Variants in KDM7A observed in about 807,000 individuals in gnomAD.
KDM7A encodes lysine demethylase 7A.
A neutral mutation model predicts 114.8 loss-of-function variants in KDM7A; 28 were observed. The ratio of observed to expected loss-of-function variants is 0.24; its 90% CI spans 0.18 to 0.33. The LOEUF is 0.33. Among genes scored for constraint, KDM7A ranks in the 10% least tolerant of loss-of-function variants. KDM7A has a pLI of 1.00. For missense variants in KDM7A, 942 were observed against 1,142.5 expected (o/e 0.82, Z 2.53); for synonymous variants, 423 against 397.8 (o/e 1.06, Z -0.75).
chr7:140,121,205 A>G (rs950650719), intron 7 of KDM7A, among the ~76,000 whole-genome samples: 2 of 152,200 alleles, frequency 1.3e-5, no homozygotes, highest in Non-Finnish European at 2.9e-5. Context: ...CCAAAAAATG[A>G]TATTTTGTAT....
Position 140,176,928 on chromosome 7 carries a change from C to T in KDM7A, c.10G>A (p.Ala4Thr). 1 of 1,160,178 alleles carries T rather than the reference C, an allele frequency of 8.6e-7. No homozygotes were observed. Among genetic ancestry groups the T allele is most frequent in the Non-Finnish European group, 1.1e-6 (1 of 936,816 alleles). The allele number at this position is 1,160,178 out of a possible 1,614,324, so 71.9% of individuals were successfully genotyped here. Residue 4 changes from alanine (A) to threonine (T), a missense_variant, in exon 1 of 20, where the codon GCG (alanine) becomes ACG (threonine). This residue lies in a region of KDM7A where 112 missense variants were observed against 96.2 expected (regional missense o/e 1.16). Transcript: ENST00000397560. This position sits in a 1 kb window ranked among gnomAD's most constrained non-coding sequence, Gnocchi z 4.4. ...GCTCCCGCGGCCACCGCCGCCGCCGCTCCGGCCATCTTTAAAAAACACACA... is the reference window on the plus strand; with the variant it reads ...GCTCCCGCGGCCACCGCCGCCGCCGTTCCGGCCATCTTTAAAAAACACACA... MAGAAAAVAAGAAA... is the reference protein window; with the variant it reads MAGTAAAVAAGAAA...
At chr7:140,096,336 T>C (rs1207628474) in intron 17 of KDM7A, among the ~76,000 whole-genome samples, 2 of 152,232 alleles carry the variant, frequency 1.3e-5, no homozygotes, top group Non-Finnish European at 2.9e-5. Flanking sequence ...AGAATGATGC[T>C]AGTGAACACA....
In KDM7A at chr7:140,091,895, C is replaced by G. The variant is rs777919706; in HGVS notation, c.2640G>C (p.Arg880Ser). The change falls in exon 19 of 20, where the codon AGG becomes AGC. Residue 880 changes from arginine to serine, a missense_variant. By Grantham distance (110) the Arg-to-Ser change is moderately radical. This residue lies in a region of KDM7A where 512 missense variants were observed against 576.6 expected (regional missense o/e 0.89). Transcript: ENST00000397560. The stretch of plus-strand genomic sequence containing the variant: ...CCGAGAAGGAAGTTTCACCAACTGG[C>G]CTTTCTGGGCTTAGACTGCCATTAC... ...QISNGSLSPERPVGETSFSVP... is the reference protein window; with the variant it reads ...QISNGSLSPESPVGETSFSVP... 3.1e-6 allele frequency: 5 copies of G among 1,614,008 alleles called. No homozygotes were observed. In the Admixed American group the frequency reaches 6.7e-5, roughly 22 times the overall value.
intron 4 of KDM7A, 55 bp from the exon 5 acceptor site, chr7:140,127,638 G>A (rs1242483368): frequency 1.4e-6 from 2 of 1,401,356 alleles, no homozygotes; most frequent in Admixed American, 1.9e-5. Context: ...ATCAGCAGAT[G>A]CTCTAATCAA....
chr7:140,145,707 C>A (rs530573727), intron 1 of KDM7A, among the ~76,000 whole-genome samples: 1 of 152,316 alleles, frequency 6.6e-6, no homozygotes, highest in South Asian at 2.1e-4. Flanking sequence ...CAAGTTGGCA[C>A]TTTTTCTATA....
chr7:140,123,411 T>C (rs913801157), intron 7 of KDM7A, among the ~76,000 whole-genome samples: 2 of 152,158 alleles, frequency 1.3e-5, no homozygotes, highest in African/African-American at 2.4e-5. Context: ...ACCATTCAAA[T>C]AGTCAAAATG....
rs772079821 is a variant in KDM7A at position 140,092,045 on chromosome 7, C to T, written c.2490G>A (p.Lys830=). The change falls in exon 19 of 20, where the codon AAG becomes AAA. Residue 830 remains lysine, a synonymous_variant. Transcript: ENST00000397560. Reference sequence around the variant, plus strand: ...TCTGACTAATTTCTGATGAACCTTCCTTTCTGATGCATTTCTGGCTTCTAC... The same window carrying T: ...TCTGACTAATTTCTGATGAACCTTCTTTTCTGATGCATTTCTGGCTTCTAC... ...DLSRSQKCIR[K]EGSSEISQRV... The T allele has an allele frequency of 7.4e-6, 12 of 1,614,032 alleles. No individual in the cohort carries two copies. The highest frequency in any genetic ancestry group is 2.2e-5 in the East Asian group (1 of 44,902).
chr7:140,099,393 T>A (rs1011185927), intron 13 of KDM7A, among the ~76,000 whole-genome samples: 1 of 152,132 alleles, frequency 6.6e-6, no homozygotes, highest in African/African-American at 2.4e-5. Context: ...GATGGAGTCT[T>A]GCTAAGTTGC....
At chr7:140,120,918 T>G (rs1400037625) in intron 7 of KDM7A, among the ~76,000 whole-genome samples, 2 of 152,212 alleles carry the variant, frequency 1.3e-5, no homozygotes, top group African/African-American at 2.4e-5. Flanking sequence ...GTTTTTGTTT[T>G]TTAGCTTAAA....
chr7:140,133,458 C>A, intron 3 of KDM7A, 81 bp downstream of exon 3: 1 of 785,004 alleles, frequency 1.3e-6, no homozygotes, highest in Non-Finnish European at 2.1e-6. Context: ...AGTTTGAAAA[C>A]ATTGCCTTTA....
intron 1 of KDM7A, among the ~76,000 whole-genome samples, chr7:140,164,871 A>G (rs1026844131): frequency 3.3e-5 from 5 of 152,204 alleles, no homozygotes; most frequent in African/African-American, 1.2e-4. Flanking sequence ...GAAGCACAGG[A>G]TACTATTCGG....
chr7:140,168,178 T>C (rs1794598745), intron 1 of KDM7A, among the ~76,000 whole-genome samples: 1 of 152,200 alleles, frequency 6.6e-6, no homozygotes, highest in Non-Finnish European at 1.5e-5. Context: ...GGTCCAACCA[T>C]TCTAGAGAGA....
intron 11 of KDM7A, among the ~76,000 whole-genome samples, chr7:140,109,184 T>G (rs1455811719): frequency 6.6e-6 from 1 of 152,152 alleles, no homozygotes; most frequent in Non-Finnish European, 1.5e-5. Flanking sequence ...TTCCCTTAGC[T>G]AGGAAAGGGA....
intron 1 of KDM7A, among the ~76,000 whole-genome samples, chr7:140,151,962 C>CA (rs1794405112): frequency 6.6e-6 from 1 of 152,052 alleles, no homozygotes; most frequent in Non-Finnish European, 1.5e-5. Flanking sequence ...AAGATAATAG[C>CA]AAAAACATAT....
rs1422517076 is a variant in KDM7A, at chr7:140,089,463, G to C, written c.*1631C>G. On this transcript the variant is annotated 3_prime_UTR_variant, in exon 20 of 20. Coordinates refer to ENST00000397560, the MANE Select transcript of KDM7A (RefSeq NM_030647.2). ...TTCAAGTGATACTTAATAGAGAAGG[G>C]TAAGTCCTGCTATCTTGCTGAGTAA... 1 of 152,068 alleles carries C rather than the reference G, an allele frequency of 6.6e-6. No individual in the cohort carries two copies. The highest frequency in any genetic ancestry group is 2.4e-5 in the African/African-American group (1 of 41,388). The allele number at this position is 152,068 out of a possible 1,614,324, so 9.4% of individuals were successfully genotyped here. A position where few individuals can be genotyped will look rare whatever the true frequency, so the allele number is the denominator to read the frequency against.
chr7:140,158,204 G>A (rs1309950392), intron 1 of KDM7A, among the ~76,000 whole-genome samples: 1 of 152,080 alleles, frequency 6.6e-6, no homozygotes, highest in African/African-American at 2.4e-5. Flanking sequence ...GAGGACAAAT[G>A]TTCCACTAAA....
intron 6 of KDM7A, 142 bp from the exon 7 acceptor site, chr7:140,124,925 A>G (rs1363585804): frequency 6.6e-6 from 4 of 602,926 alleles, no homozygotes; most frequent in South Asian, 6.5e-5. Context: ...CATATTTCAC[A>G]CACCTGATCA....
chr7:140,168,559 C>T (rs560694745), intron 1 of KDM7A, among the ~76,000 whole-genome samples: 212 of 148,620 alleles, frequency 1.4e-3, no homozygotes, highest in African/African-American at 5.2e-3. Flanking sequence ...CAGAGCAAGA[C>T]TCTATCTCAA....
chr7:140,127,920 A>C (rs539951554), intron 4 of KDM7A, among the ~76,000 whole-genome samples: 15 of 152,334 alleles, frequency 9.8e-5, no homozygotes, highest in African/African-American at 3.4e-4. Context: ...GGCATGTAGA[A>C]ATTGTGCAAC....
Sources: gnomAD v4.1 joint callset for allele counts (sites outside exome capture counted in the v4.1 genomes callset) on GRCh38, gnomAD v4.1.1 for gene constraint, gnomAD v4.1.1 regional missense constraint, Gnocchi (gnomAD v3.1) non-coding constraint, MANE v1.5 for transcripts, NCBI Gene and HGNC (gene_info 2026-07-23, HGNC 2026-07-21) for gene names.